The following CPQ variants were observed in gnomAD, a reference collection of about 807,000 sequenced individuals.
The protein encoded by CPQ is Ser-Met dipeptidase.
Under a neutral mutation model 45.7 loss-of-function variants are expected in CPQ, and 37 were observed. That is an observed-to-expected ratio of 0.81 (90% CI 0.62 to 1.07). The LOEUF is 1.07. Ranked by LOEUF, CPQ falls within the 50% of genes least tolerant of loss-of-function variation. The probability of loss-of-function intolerance (pLI) is 0.00; values close to 1 mark genes in which losing one functional copy is unlikely to be tolerated. For synonymous variants in CPQ, 186 were observed against 205.8 expected (o/e 0.90, Z 0.82); for missense variants, 537 against 572.9 (o/e 0.94, Z 0.64).
chr8:97,013,205 G>A (rs951897005), intron 5 of CPQ, among the ~76,000 whole-genome samples: 2 of 152,128 alleles, frequency 1.3e-5, no homozygotes, highest in East Asian at 3.9e-4. Context: ...GCTTGAACCT[G>A]GGGGGCAGAG....
chr8:96,841,154 G>A (rs1342749030), intron 3 of CPQ, among the ~76,000 whole-genome samples: 2 of 152,168 alleles, frequency 1.3e-5, no homozygotes, highest in Non-Finnish European at 2.9e-5. Context: ...TCGGGAGAGG[G>A]AGCTGGCTTG....
In CPQ at chr8:97,119,709, C is replaced by T. The variant is rs111724479; in HGVS notation, c.1256-23311C>T. On this transcript the variant is annotated intron_variant, in intron 7 of 7. Transcript: ENST00000220763. ...AGCGATAGCATACAGACCCCTGCAT[C>T]GTGACACTACATCAAAAGCTAAGAT... 1.2e-3 allele frequency among the ~76,000 whole-genome samples: 181 copies of T among 152,298 alleles called. 1 individual carries two copies. Among genetic ancestry groups the T allele is most frequent in the African/African-American group, 4.2e-3 (175 of 41,562 alleles).
intron 4 of CPQ, among the ~76,000 whole-genome samples, chr8:96,940,715 G>A (rs956794414): frequency 6.6e-6 from 1 of 152,138 alleles, no homozygotes; most frequent in Non-Finnish European, 1.5e-5. Flanking sequence ...ACTCTAAAAT[G>A]TTTTCAGCTT....
At chr8:96,790,420 C>T (rs1168648588) in intron 2 of CPQ, among the ~76,000 whole-genome samples, 3 of 152,100 alleles carry the variant, frequency 2.0e-5, no homozygotes, top group East Asian at 1.9e-4. Flanking sequence ...TTGATGGCTA[C>T]TTAGGGTAGA....
At chr8:96,679,848 A>G (rs1024470740) in intron 1 of CPQ, among the ~76,000 whole-genome samples, 1 of 149,778 alleles carries the variant, frequency 6.7e-6, no homozygotes, top group African/African-American at 2.5e-5. Flanking sequence ...TGTCAATTTT[A>G]CTTATATTTT....
intron 4 of CPQ, among the ~76,000 whole-genome samples, chr8:96,914,678 A>T (rs1812708784): frequency 6.6e-6 from 1 of 151,978 alleles, no homozygotes. Context: ...ACAGTAAGGG[A>T]CTTTGTTCGG....
chr8:96,833,560 A>C (rs1811487636), intron 2 of CPQ, among the ~76,000 whole-genome samples: 1 of 152,200 alleles, frequency 6.6e-6, no homozygotes, highest in African/African-American at 2.4e-5. Flanking sequence ...ACGCCAGTCA[A>C]ATTTCAAGGT....
At chr8:97,046,322 A>G (rs375619188) in intron 6 of CPQ, among the ~76,000 whole-genome samples, 1 of 150,458 alleles carries the variant, frequency 6.6e-6, no homozygotes, top group East Asian at 2.0e-4. Context: ...TGCTTGTCCT[A>G]CATTTGTAAT....
At chr8:97,038,294 A>G (rs1810036967) in intron 6 of CPQ, among the ~76,000 whole-genome samples, 1 of 152,164 alleles carries the variant, frequency 6.6e-6, no homozygotes, top group Non-Finnish European at 1.5e-5. Flanking sequence ...CCCTCCTGAA[A>G]CCGTGAAGAA....
At chr8:96,688,763 C>A (rs1042428875) in intron 1 of CPQ, among the ~76,000 whole-genome samples, 2 of 152,048 alleles carry the variant, frequency 1.3e-5, no homozygotes, top group Non-Finnish European at 1.5e-5. Flanking sequence ...CTTTTGATTG[C>A]TAGTATATCA....
At chr8:96,801,602 A>G (rs1013912907) in intron 2 of CPQ, among the ~76,000 whole-genome samples, 2 of 152,154 alleles carry the variant, frequency 1.3e-5, no homozygotes, top group Admixed American at 6.5e-5. Flanking sequence ...ACTTGTTATT[A>G]TATAGTCCCT....
chr8:97,087,166 GGT>G (rs1270204491), intron 7 of CPQ, among the ~76,000 whole-genome samples: 28 of 152,250 alleles, frequency 1.8e-4, no homozygotes, highest in African/African-American at 6.7e-4. Flanking sequence ...GGCTTCCACA[GGT>G]GCCTGTTAAC....
intron 7 of CPQ, among the ~76,000 whole-genome samples, chr8:97,136,248 A>C (rs1383028689): frequency 6.6e-6 from 1 of 152,214 alleles, no homozygotes; most frequent in Non-Finnish European, 1.5e-5. Context: ...AACCAGGGTC[A>C]AGGCAGTCAT....
chr8:96,768,905 G>C lies in CPQ; in HGVS notation c.-34-15959G>C, dbSNP rs552101924. ...TCTACCAGAGTATTCCTCAGAACTT[G>C]TTATTAACTAGTTTAGAGGAAGATA... On this transcript the variant is annotated intron_variant, in intron 1 of 7. Transcript: ENST00000220763. Among the ~76,000 whole-genome samples the C allele has an allele frequency of 2.6e-5, 4 of 152,308 alleles. No individual in the cohort carries two copies. The East Asian group carries it at 5.8e-4, about 22-fold the overall frequency.
chr8:96,904,685 A>G (rs1812553227), intron 4 of CPQ, among the ~76,000 whole-genome samples: 1 of 152,100 alleles, frequency 6.6e-6, no homozygotes, highest in Non-Finnish European at 1.5e-5. Context: ...AGGAGAAAGG[A>G]GATTGGGGAG....
At chr8:96,881,318 G>A (rs1199090752) in intron 4 of CPQ, among the ~76,000 whole-genome samples, 1 of 152,170 alleles carries the variant, frequency 6.6e-6, no homozygotes, top group Non-Finnish European at 1.5e-5. Flanking sequence ...ATGGCAGAAG[G>A]CAAAGGGGGA....
intron 1 of CPQ, among the ~76,000 whole-genome samples, chr8:96,654,912 T>C (rs2130706649): frequency 6.6e-6 from 1 of 151,462 alleles, no homozygotes; most frequent in South Asian, 2.1e-4. Flanking sequence ...TTCTCTTCCT[T>C]ACTAATAAAT....
intron 7 of CPQ, among the ~76,000 whole-genome samples, chr8:97,112,275 C>T (rs763825150): frequency 4.0e-5 from 6 of 151,664 alleles, no homozygotes; most frequent in East Asian, 1.9e-4. Flanking sequence ...AGACACTCAA[C>T]GAGTCATCTA....
At chr8:96,987,815 T>G (rs1371520526) in intron 5 of CPQ, among the ~76,000 whole-genome samples, 1 of 152,306 alleles carries the variant, frequency 6.6e-6, no homozygotes, top group East Asian at 1.9e-4. Context: ...GAAGATAGAT[T>G]TTATTTAATA....
Sources: allele counts gnomAD v4.1 joint callset (sites outside exome capture counted in the v4.1 genomes callset), GRCh38; gene constraint gnomAD v4.1.1; transcripts MANE v1.5; gene names NCBI Gene and HGNC (gene_info 2026-07-23, HGNC 2026-07-21).